The following NRG1 variants were observed in gnomAD, a reference collection of about 807,000 sequenced individuals.
NRG1 encodes the protein pro-neuregulin-1, membrane-bound isoform.
NRG1 carries 18 observed loss-of-function variants against 63.8 expected under a neutral mutation model. The observed-to-expected ratio is 0.28, with a 90% confidence interval of 0.19 to 0.42. NRG1 has a LOEUF of 0.42. Ranked by LOEUF, NRG1 falls within the 10% of genes least tolerant of loss-of-function variation. The pLI is 1.00. For missense variants in NRG1, 762 were observed against 814.7 expected (o/e 0.94, Z 0.79); for synonymous variants, 302 against 301.3 (o/e 1.00, Z -0.02).
chr8:31,943,281 G>C (rs1487282856), intron 1 of NRG1, among the ~76,000 whole-genome samples: 5 of 152,082 alleles, frequency 3.3e-5, no homozygotes, highest in Non-Finnish European at 7.4e-5. Context: ...AGTAACTCAG[G>C]AATGGAAAAC....
chr8:32,411,316 A>G (rs1013969491), intron 1 of NRG1, among the ~76,000 whole-genome samples: 3 of 152,206 alleles, frequency 2.0e-5, no homozygotes, highest in African/African-American at 7.2e-5. Context: ...CGAGTTATGG[A>G]GACTTAACGG....
intron 1 of NRG1, among the ~76,000 whole-genome samples, chr8:32,308,217 G>A (rs569565571): frequency 1.3e-5 from 2 of 152,234 alleles, no homozygotes; most frequent in South Asian, 2.1e-4. Flanking sequence ...AATACATTTA[G>A]AATCCTTCGC....
At chr8:31,930,969 G>A (rs1834810512) in intron 1 of NRG1, among the ~76,000 whole-genome samples, 3 of 152,092 alleles carry the variant, frequency 2.0e-5, no homozygotes, top group Admixed American at 6.5e-5. Context: ...TCCTGCTTAT[G>A]TTTCTCAGGA....
chr8:32,763,355 G>C, intron 11 of NRG1: 3 of 1,613,762 alleles, frequency 1.9e-6, no homozygotes, highest in Non-Finnish European at 2.5e-6. Context: ...TTGGCCTTTA[G>C]GAAGGTATAG....
rs146507358 is a variant in NRG1, at chr8:32,730,222, C to T, written c.632+2144C>T. On this transcript the variant is annotated intron_variant, in intron 6 of 11. Transcript: ENST00000356819. ...CAACACTTTAAGAGGCCGAGGCAGACGGATCTCTTGAGCCCAGGAGTTGGA... is the reference window on the plus strand; with the variant it reads ...CAACACTTTAAGAGGCCGAGGCAGATGGATCTCTTGAGCCCAGGAGTTGGA... Among the ~76,000 whole-genome samples the T allele has an allele frequency of 3.0e-3, 454 of 152,196 alleles. 4 individuals carry two copies. Among genetic ancestry groups the T allele is most frequent in the African/African-American group, 0.01 (435 of 41,536 alleles).
intron 1 of NRG1, among the ~76,000 whole-genome samples, chr8:32,585,752 T>C (rs1384090895): frequency 6.6e-6 from 1 of 152,254 alleles, no homozygotes; most frequent in Non-Finnish European, 1.5e-5. Context: ...GCATATCTAC[T>C]GTATTTCTCA....
At chr8:32,088,190 A>G (rs1828566547) in intron 1 of NRG1, among the ~76,000 whole-genome samples, 1 of 152,186 alleles carries the variant, frequency 6.6e-6, no homozygotes, top group Non-Finnish European at 1.5e-5. Context: ...CTGTGTGTGT[A>G]TCGTCTCTCT....
chr8:31,821,688 A>G (rs1217715553), intron 1 of NRG1, among the ~76,000 whole-genome samples: 5 of 152,170 alleles, frequency 3.3e-5, no homozygotes, highest in African/African-American at 1.2e-4. Context: ...CAGCTTTTTC[A>G]GGGAGTAGCA....
intron 1 of NRG1, among the ~76,000 whole-genome samples, chr8:32,050,539 C>T (rs1464871699): frequency 1.3e-5 from 2 of 152,118 alleles, no homozygotes; most frequent in Non-Finnish European, 2.9e-5. Context: ...ATGCCTGCCA[C>T]CTTCCCATTT....
At chr8:32,453,833 A>G (rs1373018662) in intron 1 of NRG1, among the ~76,000 whole-genome samples, 2 of 152,186 alleles carry the variant, frequency 1.3e-5, no homozygotes, top group East Asian at 3.9e-4. Context: ...ACCCATCCCC[A>G]GTCAGCTGCA....
At chr8:32,028,435 A>G (rs1365844439) in intron 1 of NRG1, among the ~76,000 whole-genome samples, 1 of 152,220 alleles carries the variant, frequency 6.6e-6, no homozygotes, top group Admixed American at 6.5e-5. Context: ...AAAGAACTGA[A>G]TGATGGCATC....
chr8:32,637,325 T>G lies in NRG1; in HGVS notation c.502+20440T>G, dbSNP rs139606071. On this transcript the variant is annotated intron_variant, in intron 5 of 11. Transcript: ENST00000356819. Reference sequence around the variant, plus strand: ...TAGTATATATATTTTATTACATTGTTTAAGAGAACATGTAGGTCATGGATT... The same window carrying G: ...TAGTATATATATTTTATTACATTGTGTAAGAGAACATGTAGGTCATGGATT... Among the ~76,000 whole-genome samples, 99 of 152,288 alleles carry G rather than the reference T, an allele frequency of 6.5e-4. 2 individuals carry two copies. In the East Asian group the frequency reaches 0.016, roughly 25 times the overall value.
At chr8:32,128,684 C>T (rs903424434) in intron 1 of NRG1, among the ~76,000 whole-genome samples, 1 of 151,818 alleles carries the variant, frequency 6.6e-6, no homozygotes, top group African/African-American at 2.4e-5. Context: ...CTGCAGCCAG[C>T]GTGTTTTTTC....
rs73677013 is a variant in NRG1 at position 32,387,217 on chromosome 8, C to T, written c.38-208611C>T. Among the ~76,000 whole-genome samples, 1,386 of 152,284 alleles carry T rather than the reference C, an allele frequency of 9.1e-3. 24 individuals carry two copies. Among genetic ancestry groups the T allele is most frequent in the African/African-American group, 0.032 (1,336 of 41,556 alleles). ...ATAGCAAGACACATTTCTTATTCTTCTGACAAGGTAGTACACAGTTCATCA... is the reference window on the plus strand; with the variant it reads ...ATAGCAAGACACATTTCTTATTCTTTTGACAAGGTAGTACACAGTTCATCA... On this transcript the variant is annotated intron_variant, in intron 1 of 10. Transcript: ENST00000519301.
At chr8:31,738,353 T>C (rs1814904666) in intron 1 of NRG1, among the ~76,000 whole-genome samples, 1 of 152,136 alleles carries the variant, frequency 6.6e-6, no homozygotes, top group Admixed American at 6.6e-5. Context: ...CAGGGGTTCT[T>C]ACATAGCTGA....
intron 1 of NRG1, among the ~76,000 whole-genome samples, chr8:32,245,702 AGATTTGGCCT>A (rs1482971952): frequency 6.6e-6 from 1 of 152,154 alleles, no homozygotes; most frequent in African/African-American, 2.4e-5. Context: ...TAGTACCATC[AGATTTGGCCT>A]GATTATTTAC....
chr8:32,122,746 G>A (rs909215895), intron 1 of NRG1, among the ~76,000 whole-genome samples: 1 of 151,792 alleles, frequency 6.6e-6, no homozygotes, highest in African/African-American at 2.4e-5. Flanking sequence ...TTAGCATTAG[G>A]TATATCTCCC....
At chr8:32,640,624 A>G (rs1469810493) in intron 5 of NRG1, among the ~76,000 whole-genome samples, 12 of 69,056 alleles carry the variant, frequency 1.7e-4, no homozygotes, top group Non-Finnish European at 3.4e-4. Flanking sequence ...AGACCCGCAC[A>G]CACACACACA....
intron 1 of NRG1, among the ~76,000 whole-genome samples, chr8:32,536,375 C>T (rs1465864466): frequency 6.6e-6 from 1 of 152,130 alleles, no homozygotes; most frequent in East Asian, 1.9e-4. Context: ...TCTCACTATA[C>T]GACAGCTACT....
Sources: allele counts gnomAD v4.1 joint callset (sites outside exome capture counted in the v4.1 genomes callset), GRCh38; gene constraint gnomAD v4.1.1; transcripts MANE v1.5; gene names NCBI Gene and HGNC (gene_info 2026-07-23, HGNC 2026-07-21).